The following TSC1 variants were observed in gnomAD, a reference collection of about 807,000 sequenced individuals.
The protein encoded by TSC1 is hamartin.
A neutral mutation model predicts 124.3 loss-of-function variants in TSC1; 20 were observed. That is an observed-to-expected ratio of 0.16 (90% CI 0.11 to 0.23). The LOEUF (loss-of-function observed/expected upper bound fraction) is 0.23, where lower values mean the gene tolerates loss of function less well. Ranked by LOEUF, TSC1 falls within the 10% of genes least tolerant of loss-of-function variation. The pLI is 1.00. For missense variants in TSC1, 1,124 were observed against 1,448.5 expected, an observed-to-expected ratio of 0.78 and a Z score of 3.64; for synonymous variants, 493 against 539.1, an observed-to-expected ratio of 0.91 and a Z score of 1.19.
Position 132,902,588 on chromosome 9 carries a change from G to C in TSC1, c.2391+17C>G, listed in dbSNP as rs572485175. The C allele has an allele frequency of 6.2e-7, 1 of 1,613,512 alleles. No individual in the cohort carries two copies. Among genetic ancestry groups the C allele is most frequent in the South Asian group, 1.1e-5 (1 of 91,030 alleles). ...GGCATTCTCGCAGTTGGCTTTGCCT[G>C]GTGCTGCAGTTTATACCTGTAATTC... On this transcript the variant is annotated intron_variant, in intron 18 of 22. Coordinates refer to ENST00000298552, the MANE Select transcript of TSC1 (RefSeq NM_000368.5). This position sits in a 1 kb window ranked among gnomAD's most constrained non-coding sequence, Gnocchi z 5.2.
chr9:132,902,483 A>T lies in TSC1; in HGVS notation c.2391+122T>A. Reference sequence around the variant, plus strand: ...AAGAATTTCTGCCATGATTTCAGAGAGAAAAGCATTCAGCTTAGTAAAGCT... The same window carrying T: ...AAGAATTTCTGCCATGATTTCAGAGTGAAAAGCATTCAGCTTAGTAAAGCT... On this transcript the variant is annotated intron_variant, in intron 18 of 22. Transcript: ENST00000298552. The surrounding 1 kb of genome is among the most constrained non-coding windows in gnomAD (Gnocchi z 5.2). The T allele has an allele frequency of 8.0e-7, 1 of 1,253,630 alleles. No homozygotes were observed. The highest frequency in any genetic ancestry group is 1.2e-6 in the Non-Finnish European group (1 of 863,480). 77.7% of individuals were successfully genotyped at this position (1,253,630 alleles called of 1,614,324 possible). A position where few individuals can be genotyped will look rare whatever the true frequency, so the allele number is the denominator to read the frequency against.
intron 3 of TSC1, 91 bp from the exon 4 acceptor site, chr9:132,927,395 T>C (rs1846936249): frequency 3.3e-6 from 4 of 1,209,268 alleles, no homozygotes; most frequent in Admixed American, 3.9e-5. Flanking sequence ...ATCCAGAAAA[T>C]GTTTCTTTAT....
rs1845662022 is a variant in TSC1, at chr9:132,906,150, G to A, written c.1439-11C>T. ...CTCTAGATATTGCAGCTGAGAGGAA[G>A]AGAGGAAACAAAAGAAATGGCAGTC... On this transcript the variant is annotated splice_polypyrimidine_tract_variant and intron_variant, in intron 14 of 22. Transcript: ENST00000298552. The surrounding 1 kb of genome is among the most constrained non-coding windows in gnomAD (Gnocchi z 4.1). 1.9e-6 allele frequency: 3 copies of A among 1,611,162 alleles called. No individual in the cohort carries two copies. The highest frequency in any genetic ancestry group is 2.5e-6 in the Non-Finnish European group (3 of 1,179,432).
At chr9:132,913,867 C>CCCATGGGT (rs1846107821) in intron 8 of TSC1, among the ~76,000 whole-genome samples, 1 of 146,896 alleles carries the variant, frequency 6.8e-6, no homozygotes, top group African/African-American at 2.5e-5. Context: ...GTGCCAGCCT[C>CCCATGGGT]CCATGGGTTT....
chr9:132,924,659 C>T (rs1259680231), intron 5 of TSC1, among the ~76,000 whole-genome samples: 4 of 152,130 alleles, frequency 2.6e-5, no homozygotes, highest in African/African-American at 7.2e-5. Flanking sequence ...TCTCATCAAT[C>T]CATTTAGATT....
At chr9:132,920,756 G>T (rs766312126) in intron 8 of TSC1, among the ~76,000 whole-genome samples, 5 of 151,926 alleles carry the variant, frequency 3.3e-5, no homozygotes, top group Non-Finnish European at 7.4e-5. Flanking sequence ...GAAGGAGCTG[G>T]GCCTCCCACA....
At chr9:132,910,947 G>A (rs544519965) in intron 11 of TSC1, 55 bp downstream of exon 11, 7 of 1,511,092 alleles carry the variant, frequency 4.6e-6, no homozygotes, top group South Asian at 1.1e-5. Flanking sequence ...AGCTCCTCCT[G>A]CCATTAAAGG....
chr9:132,903,934 T>C lies in TSC1; in HGVS notation c.2042-117A>G, dbSNP rs549193649. On this transcript the variant is annotated intron_variant, in intron 16 of 22. Transcript: ENST00000298552. The surrounding 1 kb of genome is among the most constrained non-coding windows in gnomAD (Gnocchi z 5.9). Reference sequence around the variant, plus strand: ...CAATTCTTTAAAAACAAATCACCACTCTCTTTGCAAATGACCACTTGACTC... The same window carrying C: ...CAATTCTTTAAAAACAAATCACCACCCTCTTTGCAAATGACCACTTGACTC... The C allele has an allele frequency of 2.4e-4, 298 of 1,263,434 alleles. No individual in the cohort carries two copies. The highest frequency in any genetic ancestry group is 9.8e-5 in the Non-Finnish European group (87 of 891,494). The allele number at this position is 1,263,434 out of a possible 1,614,324, so 78.3% of individuals were successfully genotyped here.
chr9:132,906,547 TCAA>T lies in TSC1; in HGVS notation c.1438+181_1438+183del. 1 of 490,978 alleles carries T rather than the reference TCAA, an allele frequency of 2.0e-6. No individual in the cohort carries two copies. Among genetic ancestry groups the T allele is most frequent in the Non-Finnish European group, 3.5e-6 (1 of 285,362 alleles). The allele number at this position is 490,978 out of a possible 1,614,324, so 30.4% of individuals were successfully genotyped here. A position where few individuals can be genotyped will look rare whatever the true frequency, so the allele number is the denominator to read the frequency against. On this transcript the variant is annotated intron_variant, in intron 14 of 22. Transcript: ENST00000298552. The surrounding 1 kb of genome is among the most constrained non-coding windows in gnomAD (Gnocchi z 4.1). ...CAGGGTGACAGAGCAAGACCCTGTC[TCAA>T]AAAAAAAAAAAAAAAAAGTGGCATC...
At position 132,900,549 on chromosome 9, in the gene TSC1, T is replaced by C. The variant is rs534311093; in HGVS notation, c.2625+166A>G. On this transcript the variant is annotated intron_variant, in intron 20 of 22. Coordinates refer to ENST00000298552, the MANE Select transcript of TSC1 (RefSeq NM_000368.5). ...ACCCAATAGGAGAAACAAGCTCACA[T>C]GGTGGCTGGAAAGTGCTTGTATAGC... 20 of 1,106,360 alleles carry C rather than the reference T, an allele frequency of 1.8e-5. No individual in the cohort carries two copies. The African/African-American group carries it at 2.9e-4, about 16-fold the overall frequency. The allele number at this position is 1,106,360 out of a possible 1,614,324, so 68.5% of individuals were successfully genotyped here.
At chr9:132,942,057 T>C (rs1847767540) in intron 1 of TSC1, 1 of 152,214 alleles carries the variant, frequency 6.6e-6, no homozygotes, top group Admixed American at 6.5e-5. Context: ...AAGCTAATTT[T>C]AGTTCACTAT....
chr9:132,921,467 G>A lies in TSC1; in HGVS notation c.664-31C>T, dbSNP rs2132139937. Reference sequence around the variant, plus strand: ...AGAGTTGGGTTGACAAATTATAAAGGGCTGAATGTTTGTGGAACATCCAAA... The same window carrying A: ...AGAGTTGGGTTGACAAATTATAAAGAGCTGAATGTTTGTGGAACATCCAAA... On this transcript the variant is annotated intron_variant, in intron 7 of 22. Coordinates refer to ENST00000298552, the MANE Select transcript of TSC1 (RefSeq NM_000368.5). This position sits in a 1 kb window ranked among gnomAD's most constrained non-coding sequence, Gnocchi z 4.3. 6.2e-7 allele frequency: 1 copy of A among 1,610,772 alleles called. No individual in the cohort carries two copies. Among genetic ancestry groups the A allele is most frequent in the Non-Finnish European group, 8.5e-7 (1 of 1,177,038 alleles).
In TSC1 at chr9:132,894,344, A is replaced by G. The variant is rs996928649; in HGVS notation, c.*1891T>C. 2.2e-5 allele frequency: 5 copies of G among 231,092 alleles called. No homozygotes were observed. Among genetic ancestry groups the G allele is most frequent in the African/African-American group, 1.1e-4 (5 of 45,216 alleles). 14.3% of individuals were successfully genotyped at this position (231,092 alleles called of 1,614,324 possible). A position where few individuals can be genotyped will look rare whatever the true frequency, so the allele number is the denominator to read the frequency against. On this transcript the variant is annotated 3_prime_UTR_variant, in exon 23 of 23. Transcript: ENST00000298552. ...CATGAGGAGAAGGAAAGCACTTAAAACCAGTTTCAGGATTCACTGATGGGA... is the reference window on the plus strand; with the variant it reads ...CATGAGGAGAAGGAAAGCACTTAAAGCCAGTTTCAGGATTCACTGATGGGA...
At chr9:132,910,415 T>C (rs1845886289) in intron 12 of TSC1, 156 bp downstream of exon 12, 4 of 1,411,174 alleles carry the variant, frequency 2.8e-6, no homozygotes, top group Admixed American at 3.7e-5. Flanking sequence ...GATCACACCT[T>C]GAGAGCAGCT....
In TSC1 at chr9:132,921,909, A is replaced by G; in HGVS notation, c.573T>C (p.Leu191=). The change falls in exon 7 of 23, where the codon CTT becomes CTC. Residue 191 remains leucine (L), a synonymous_variant. Coordinates refer to ENST00000298552, the MANE Select transcript of TSC1 (RefSeq NM_000368.5). This position sits in a 1 kb window ranked among gnomAD's most constrained non-coding sequence, Gnocchi z 4.3. ...HASVYALFHR[L]YGMYPCNFVS... ...CGAAGTTGCAAGGGTACATTCCATAAAGGCGATGAAAGAGTGCGTACACAC... is the reference window on the plus strand; with the variant it reads ...CGAAGTTGCAAGGGTACATTCCATAGAGGCGATGAAAGAGTGCGTACACAC... The G allele has an allele frequency of 1.2e-6, 2 of 1,614,206 alleles. No individual in the cohort carries two copies. The highest frequency in any genetic ancestry group is 1.7e-6 in the Non-Finnish European group (2 of 1,180,028).
intron 1 of TSC1, 114 bp from the exon 2 acceptor site, chr9:132,935,209 C>T (rs113496815): frequency 5.0e-6 from 2 of 396,246 alleles, no homozygotes; most frequent in East Asian, 7.2e-5. Context: ...AGGTGGCCAC[C>T]ACGTTTCCAC....
intron 19 of TSC1, among the ~76,000 whole-genome samples, 159 bp from the exon 20 acceptor site, chr9:132,900,996 G>T (rs1040922464): frequency 6.6e-6 from 1 of 152,218 alleles, no homozygotes; most frequent in Non-Finnish European, 1.5e-5. Context: ...GGCAGGTGGG[G>T]AGGATGGTAC....
In TSC1 at chr9:132,903,606, AC is replaced by A; in HGVS notation, c.2208+44del. 6.2e-7 allele frequency: 1 copy of A among 1,611,540 alleles called. No homozygotes were observed. On this transcript the variant is annotated intron_variant, in intron 17 of 22. Coordinates refer to ENST00000298552, the MANE Select transcript of TSC1 (RefSeq NM_000368.5). The surrounding 1 kb of genome is among the most constrained non-coding windows in gnomAD (Gnocchi z 5.9). ...TTATAAGCTATCATGCTGACCCAAAACAAAACAAAAAGCAAGCTCCACCTGT... is the reference window on the plus strand; with the variant it reads ...TTATAAGCTATCATGCTGACCCAAAAAAAACAAAAAGCAAGCTCCACCTGT...
intron 8 of TSC1, among the ~76,000 whole-genome samples, chr9:132,917,647 AT>A (rs1237649043): frequency 2.6e-5 from 4 of 152,176 alleles, no homozygotes; most frequent in Non-Finnish European, 4.4e-5. Flanking sequence ...TTAAAAAAAA[AT>A]TTTTTTTAAT....
Sources: allele counts gnomAD v4.1 joint callset (sites outside exome capture counted in the v4.1 genomes callset), GRCh38; gene constraint gnomAD v4.1.1; non-coding constraint Gnocchi (gnomAD v3.1); transcripts MANE v1.5; gene names NCBI Gene and HGNC (gene_info 2026-07-23, HGNC 2026-07-21).